Variants in CELF2 observed in about 807,000 individuals in gnomAD.
CELF2 encodes CUGBP Elav-like family member 2, also known as CUG triplet repeat RNA-binding protein 2.
CELF2 carries 8 observed loss-of-function variants against 62.6 expected under a neutral mutation model. The observed-to-expected ratio is 0.13, with a 90% CI of 0.07 to 0.23. CELF2 has a LOEUF of 0.23. Among genes scored for constraint, CELF2 ranks in the 10% least tolerant of loss-of-function variants. The probability of loss-of-function intolerance (pLI) is 1.00; values close to 1 mark genes in which losing one functional copy is unlikely to be tolerated. For missense variants in CELF2, 333 were observed against 671.0 expected, an observed-to-expected ratio of 0.50 and a Z score of 5.56; for synonymous variants, 258 against 250.0, an observed-to-expected ratio of 1.03 and a Z score of -0.30.
At chr10:10,905,673 C>G (rs755755768) in intron 1 of CELF2, among the ~76,000 whole-genome samples, 3 of 151,658 alleles carry the variant, frequency 2.0e-5, no homozygotes, top group African/African-American at 4.8e-5. Context: ...GGTCAGAGAT[C>G]GAGACCATCC....
At chr10:11,053,628 T>A (rs914120906) in intron 1 of CELF2, among the ~76,000 whole-genome samples, 6 of 149,870 alleles carry the variant, frequency 4.0e-5, no homozygotes, top group Non-Finnish European at 7.4e-5. Context: ...TTTTTTTTTT[T>A]TTTTGAGACA....
intron 1 of CELF2, among the ~76,000 whole-genome samples, chr10:10,840,175 C>T (rs755240158): frequency 1.6e-4 from 25 of 152,266 alleles, no homozygotes; most frequent in East Asian, 1.4e-3. Context: ...AATATTCATG[C>T]GCAGGTTTTT....
At chr10:10,759,401 T>C in the CELF2 span, among the ~76,000 whole-genome samples, 83,999 of 148,224 alleles carry the variant, frequency 0.57, 24,303 homozygotes, top group African/African-American at 0.7. Flanking sequence ...CCTCTGCCTC[T>C]GGGGTTCAAG....
In CELF2 at chr10:10,978,048, T is replaced by G. The variant is rs186442563; in HGVS notation, c.89+58049T>G. 9.6e-3 allele frequency among the ~76,000 whole-genome samples: 1,452 copies of G among 151,560 alleles called. 21 individuals are homozygous for G. Among genetic ancestry groups the G allele is most frequent in the South Asian group, 0.024 (114 of 4,788 alleles). ...GGTTTTTTTTTGTTTTTTGTTTTTTTTTTTCCAGAGAAAGATGGTTAACAT... is the reference window on the plus strand; with the variant it reads ...GGTTTTTTTTTGTTTTTTGTTTTTTGTTTTCCAGAGAAAGATGGTTAACAT... On this transcript the variant is annotated intron_variant, in intron 2 of 13. Transcript: ENST00000636488.
chr10:10,716,246 G>A, the CELF2 span, among the ~76,000 whole-genome samples: 28 of 152,296 alleles, frequency 1.8e-4, no homozygotes, highest in African/African-American at 6.3e-4. Context: ...AGTACTTACT[G>A]TTTGTTAAAA....
chr10:11,241,037 G>A (rs930021793), intron 3 of CELF2, among the ~76,000 whole-genome samples: 1 of 151,998 alleles, frequency 6.6e-6, no homozygotes, highest in Non-Finnish European at 1.5e-5. Flanking sequence ...CGATTTCTGG[G>A]GCTCTTGTCA....
chr10:10,742,872 A>T, the CELF2 span, among the ~76,000 whole-genome samples: 1 of 152,210 alleles, frequency 6.6e-6, no homozygotes, highest in African/African-American at 2.4e-5. Context: ...AGAGAGTGGC[A>T]TCTTCATGAG....
chr10:11,325,712 T>C, intron 11 of CELF2, 124 bp from the exon 12 acceptor site: 2 of 802,028 alleles, frequency 2.5e-6, no homozygotes, highest in East Asian at 5.3e-5. Context: ...ACTTGACATT[T>C]ATCCATCTGT....
chr10:10,706,526 C>T, the CELF2 span, among the ~76,000 whole-genome samples: 6 of 152,132 alleles, frequency 3.9e-5, no homozygotes, highest in Non-Finnish European at 5.9e-5. Context: ...AGGCCTATGA[C>T]CTTCAGGACA....
the CELF2 span, among the ~76,000 whole-genome samples, chr10:10,754,334 T>C: frequency 1.3e-5 from 2 of 151,944 alleles, no homozygotes; most frequent in Non-Finnish European, 2.9e-5. Context: ...TTATTTTTTG[T>C]AGAAATGGGG....
chr10:10,514,171 T>A, the CELF2 span, among the ~76,000 whole-genome samples: 31 of 152,356 alleles, frequency 2.0e-4, 1 homozygote, highest in South Asian at 6.4e-3. Flanking sequence ...TATGCAAATA[T>A]GAAGTTCTTG....
chr10:10,639,759 T>G, the CELF2 span, among the ~76,000 whole-genome samples: 2 of 152,202 alleles, frequency 1.3e-5, no homozygotes, highest in African/African-American at 2.4e-5. Flanking sequence ...TTTTGGCAAT[T>G]AATTTTCCAA....
At chr10:10,817,955 C>T (rs929399330) in intron 1 of CELF2, among the ~76,000 whole-genome samples, 2 of 152,106 alleles carry the variant, frequency 1.3e-5, no homozygotes, top group African/African-American at 4.8e-5. Flanking sequence ...AACTGTAGGA[C>T]CTTAGGTAAG....
chr10:10,756,000 G>T, the CELF2 span, among the ~76,000 whole-genome samples: 2 of 152,094 alleles, frequency 1.3e-5, no homozygotes, highest in Non-Finnish European at 2.9e-5. Flanking sequence ...ATAAAATGCT[G>T]CCTGGTCAAG....
chr10:11,327,768 C>T (rs2095831459), intron 12 of CELF2, among the ~76,000 whole-genome samples: 1 of 152,208 alleles, frequency 6.6e-6, no homozygotes, highest in African/African-American at 2.4e-5. Context: ...AGCTGCCCAG[C>T]GTTATGCCGC....
At chr10:10,474,645 T>C in the CELF2 span, among the ~76,000 whole-genome samples, 1 of 152,106 alleles carries the variant, frequency 6.6e-6, no homozygotes, top group Non-Finnish European at 1.5e-5. Flanking sequence ...CTGCAGGCCA[T>C]ACAGAAAAGG....
intron 2 of CELF2, among the ~76,000 whole-genome samples, chr10:10,981,245 G>C (rs1335955312): frequency 6.6e-6 from 1 of 152,208 alleles, no homozygotes; most frequent in Non-Finnish European, 1.5e-5. Context: ...CTTTCTTTTT[G>C]GTTTGAACTA....
Position 11,317,911 on chromosome 10 carries a change from T to C in CELF2, c.1097-3278T>C, listed in dbSNP as rs376264120. 34 of 152,296 alleles carry C rather than the reference T, an allele frequency of 2.2e-4. 1 individual carries two copies. The East Asian group carries it at 6.4e-3, about 28-fold the overall frequency. 9.4% of individuals were successfully genotyped at this position (152,296 alleles called of 1,614,324 possible). On this transcript the variant is annotated intron_variant, in intron 10 of 12. Coordinates refer to ENST00000633077, the MANE Select transcript of CELF2 (RefSeq NM_001326342.2). ...TCCAGCCTTCCTTGTCTAAATAGCA[T>C]GCATGGGAATGGAGATGATAATAAT... is the stretch of plus-strand genomic sequence containing the variant.
At chr10:10,682,070 C>A in the CELF2 span, among the ~76,000 whole-genome samples, 7 of 152,330 alleles carry the variant, frequency 4.6e-5, no homozygotes, top group East Asian at 1.4e-3. Flanking sequence ...GAATTTCCTT[C>A]TTTACCTCTC....
Sources: gnomAD v4.1 joint callset for allele counts (sites outside exome capture counted in the v4.1 genomes callset) on GRCh38, gnomAD v4.1.1 for gene constraint, MANE v1.5 for transcripts, NCBI Gene and HGNC (gene_info 2026-07-23, HGNC 2026-07-21) for gene names.